UPB1: variants seen among roughly 807,000 people sequenced by gnomAD.
The protein encoded by UPB1 is beta-ureidopropionase.
A neutral mutation model predicts 49.1 loss-of-function variants in UPB1; 40 were observed. The observed-to-expected ratio is 0.81, with a 90% CI of 0.63 to 1.06. UPB1 has a LOEUF of 1.06. Ranked by LOEUF, UPB1 falls within the 50% of genes least tolerant of loss-of-function variation. UPB1 has a pLI of 0.00. For missense variants in UPB1, 499 were observed against 505.9 expected (o/e 0.99, Z 0.13); for synonymous variants, 207 against 198.2 (o/e 1.04, Z -0.38).
chr22:24,499,674 T>C (rs538978448), intron 1 of UPB1, among the ~76,000 whole-genome samples: 1 of 152,268 alleles, frequency 6.6e-6, no homozygotes, highest in South Asian at 2.1e-4. Context: ...CTGAGCCCCA[T>C]TTTCCAAGCC....
intron 3 of UPB1, among the ~76,000 whole-genome samples, chr22:24,506,830 T>C (rs966299755): frequency 6.6e-6 from 1 of 152,150 alleles, no homozygotes; most frequent in Non-Finnish European, 1.5e-5. Flanking sequence ...CATCTCCCCT[T>C]TCTTGGATCT....
chr22:24,528,248 T>C lies in UPB1; in HGVS notation c.*2454T>C, dbSNP rs976028818. On this transcript the variant is annotated 3_prime_UTR_variant, in exon 10 of 10. Coordinates refer to ENST00000326010, the MANE Select transcript of UPB1 (RefSeq NM_016327.3). ...CAGGCATGAATAAATGGACCACAAC[T>C]CTTTGATTATCTGCAACTCTCATTG... 6.6e-6 allele frequency: 1 copy of C among 152,230 alleles called. No individual in the cohort carries two copies. Among genetic ancestry groups the C allele is most frequent in the Non-Finnish European group, 1.5e-5 (1 of 68,048 alleles). 9.4% of individuals were successfully genotyped at this position (152,230 alleles called of 1,614,324 possible).
intron 1 of UPB1, among the ~76,000 whole-genome samples, chr22:24,497,465 T>C (rs1339144222): frequency 6.6e-6 from 1 of 152,248 alleles, no homozygotes; most frequent in African/African-American, 2.4e-5. Flanking sequence ...AGTGAGAGGT[T>C]GCTGAGGAGG....
At position 24,522,011 on chromosome 22, in the gene UPB1, C is replaced by T. The variant is rs762081192; in HGVS notation, c.899C>T (p.Ser300Leu). The T allele has an allele frequency of 5.2e-5, 84 of 1,613,948 alleles. No individual in the cohort carries two copies. Among genetic ancestry groups the T allele is most frequent in the Non-Finnish European group, 6.8e-5 (80 of 1,180,024 alleles). ...GAGCACTTCCCGAACGAGTTTACCT[C>T]GGGAGATGGAAAGAAAGGTATGTCC... Reference protein sequence around the residue: ...GTEHFPNEFTSGDGKKAHQDF... With the variant: ...GTEHFPNEFTLGDGKKAHQDF... The change falls in exon 8 of 10, where the codon TCG (serine) becomes TTG (leucine). Residue 300 changes from serine (S) to leucine (L), a missense_variant. Coordinates refer to ENST00000326010, the MANE Select transcript of UPB1 (RefSeq NM_016327.3).
chr22:24,508,756 C>T (rs1324434265), intron 3 of UPB1, among the ~76,000 whole-genome samples: 2 of 151,212 alleles, frequency 1.3e-5, no homozygotes. Flanking sequence ...TGGTGGGCTC[C>T]TGTAATTTCA....
At chr22:24,498,470 G>T (rs1274370576) in intron 1 of UPB1, among the ~76,000 whole-genome samples, 2 of 152,202 alleles carry the variant, frequency 1.3e-5, no homozygotes, top group South Asian at 2.1e-4. Flanking sequence ...TACAGGTACT[G>T]CCCAGATAGT....
chr22:24,522,810 G>A (rs1465774496), intron 8 of UPB1, among the ~76,000 whole-genome samples: 1 of 151,676 alleles, frequency 6.6e-6, no homozygotes, highest in East Asian at 1.9e-4. Flanking sequence ...CGGGCATGGT[G>A]GCCCATACCT....
At chr22:24,507,848 G>C (rs2147014190) in intron 3 of UPB1, among the ~76,000 whole-genome samples, 1 of 152,180 alleles carries the variant, frequency 6.6e-6, no homozygotes, top group Non-Finnish European at 1.5e-5. Context: ...GCATATTAAA[G>C]GGCTAAGGTG....
intron 6 of UPB1, chr22:24,519,851 C>T (rs1205446463): frequency 4.5e-6 from 1 of 220,312 alleles, no homozygotes; most frequent in Admixed American, 5.2e-5. Context: ...GTGCTCAGCC[C>T]TCACAGGCCC....
At chr22:24,501,359 A>G (rs1449328614) in intron 2 of UPB1, among the ~76,000 whole-genome samples, 1 of 152,142 alleles carries the variant, frequency 6.6e-6, no homozygotes, top group Non-Finnish European at 1.5e-5. Context: ...GTCTCCTGGG[A>G]GCCAGGCATT....
At chr22:24,495,927 C>A (rs1414342963) in intron 1 of UPB1, among the ~76,000 whole-genome samples, 3 of 152,198 alleles carry the variant, frequency 2.0e-5, no homozygotes, top group Non-Finnish European at 4.4e-5. Context: ...CTCTGGCTGA[C>A]CCTTGGAAAT....
chr22:24,500,278 G>C lies in UPB1; in HGVS notation c.276G>C (p.Gln92His), dbSNP rs2043969658. ...PLPANAPVAE[Q>H]VSALHRRIKA... is the part of the protein sequence containing the mutation. ...CCGCAAATGCCCCTGTGGCAGAACA[G>C]GTGCAGACTCTTTTGACCATAATAA... is the stretch of plus-strand genomic sequence containing the variant. The change falls in exon 2 of 10, where the codon CAG becomes CAC. Residue 92 changes from glutamine to histidine, a missense_variant and splice_region_variant. Physicochemically the swap from Gln to His is conservative, Grantham distance 24 (BLOSUM62 0). Transcript: ENST00000326010. The C allele has an allele frequency of 1.2e-6, 2 of 1,614,090 alleles. No individual in the cohort carries two copies. Among genetic ancestry groups the C allele is most frequent in the Non-Finnish European group, 1.7e-6 (2 of 1,180,040 alleles).
At position 24,495,452 on chromosome 22, in the gene UPB1, C is replaced by T. The variant is rs1028518405; in HGVS notation, c.49C>T (p.Leu17=). The T allele has an allele frequency of 1.9e-6, 3 of 1,613,916 alleles. No individual in the cohort carries two copies. Among genetic ancestry groups the T allele is most frequent in the East Asian group, 2.2e-5 (1 of 44,896 alleles). ...KSLEECLEKH[L]PLPDLQEVKR... ...GCTGGAGGAATGCTTGGAGAAGCAC[C>T]TGCCGCTCCCCGACTTGCAGGAAGT... Residue 17 remains leucine, a synonymous_variant, in exon 1 of 10, where the codon CTG becomes TTG. Transcript: ENST00000326010.
intron 5 of UPB1, among the ~76,000 whole-genome samples, chr22:24,514,391 G>A (rs772374906): frequency 1.3e-5 from 2 of 152,166 alleles, no homozygotes; most frequent in African/African-American, 2.4e-5. Context: ...GATAGCACAG[G>A]GCTTGTCTCA....
At chr22:24,508,462 G>A (rs925175033) in intron 3 of UPB1, among the ~76,000 whole-genome samples, 8 of 152,158 alleles carry the variant, frequency 5.3e-5, no homozygotes, top group Non-Finnish European at 7.3e-5. Context: ...GGGAGGCTGA[G>A]GCAGGAGAAT....
At chr22:24,509,008 C>T (rs1247795619) in intron 3 of UPB1, among the ~76,000 whole-genome samples, 2 of 152,124 alleles carry the variant, frequency 1.3e-5, no homozygotes, top group African/African-American at 2.4e-5. Flanking sequence ...ACGAATAGCA[C>T]AGTAGGAAAT....
intron 6 of UPB1, among the ~76,000 whole-genome samples, chr22:24,517,605 T>C (rs2044319564): frequency 6.6e-6 from 1 of 152,198 alleles, no homozygotes; most frequent in African/African-American, 2.4e-5. Context: ...TTTTATTGGC[T>C]CCAGTTAGGC....
intron 1 of UPB1, 60 bp from the exon 2 acceptor site, chr22:24,500,047 G>A: frequency 6.2e-7 from 1 of 1,611,148 alleles, no homozygotes; most frequent in Non-Finnish European, 8.5e-7. Flanking sequence ...ATGGGAGAGA[G>A]ATTTTAAGTG....
intron 1 of UPB1, among the ~76,000 whole-genome samples, chr22:24,495,815 C>T (rs553128089): frequency 1.3e-5 from 2 of 152,318 alleles, no homozygotes; most frequent in African/African-American, 4.8e-5. Flanking sequence ...CGGAGCCGGG[C>T]TTGTCTTCTG....
Sources: allele counts gnomAD v4.1 joint callset (sites outside exome capture counted in the v4.1 genomes callset), GRCh38; gene constraint gnomAD v4.1.1; transcripts MANE v1.5; gene names NCBI Gene and HGNC (gene_info 2026-07-23, HGNC 2026-07-21).